Variants in LTBP1 observed in about 807,000 individuals in gnomAD.
LTBP1 encodes the protein latent-transforming growth factor beta-binding protein 1.
A neutral mutation model predicts 207.6 loss-of-function variants in LTBP1; 129 were observed. The ratio of observed to expected loss-of-function variants is 0.62; its 90% confidence interval spans 0.54 to 0.72. The LOEUF (loss-of-function observed/expected upper bound fraction) is 0.72, where lower values mean the gene tolerates loss of function less well. Among genes scored for constraint, LTBP1 ranks in the 30% least tolerant of loss-of-function variants. The pLI, the probability that LTBP1 is intolerant of heterozygous loss-of-function variation, is 0.00. For missense variants in LTBP1, 2,281 were observed against 2,217.2 expected (o/e 1.03, Z -0.58); for synonymous variants, 963 against 833.7 (o/e 1.16, Z -2.67).
chr2:33,280,025 T>A lies in LTBP1; in HGVS notation c.2993-14T>A. ...CTGATAAAATGTTCACGACCTAGGT[T>A]TTTGATTTTTCAGATATTGATGAAT... On this transcript the variant is annotated splice_polypyrimidine_tract_variant and intron_variant, in intron 18 of 33. Transcript: ENST00000404816. The A allele has an allele frequency of 1.9e-6, 3 of 1,612,878 alleles. No individual in the cohort carries two copies. Among genetic ancestry groups the A allele is most frequent in the Non-Finnish European group, 2.5e-6 (3 of 1,179,702 alleles).
intron 7 of LTBP1, among the ~76,000 whole-genome samples, chr2:33,191,429 T>C (rs1336175395): frequency 6.6e-6 from 1 of 152,256 alleles, no homozygotes; most frequent in Non-Finnish European, 1.5e-5. Flanking sequence ...TACTCACTCA[T>C]ACACAGCTTC....
At chr2:33,160,127 C>T (rs1405642975) in intron 5 of LTBP1, among the ~76,000 whole-genome samples, 4 of 152,188 alleles carry the variant, frequency 2.6e-5, no homozygotes, top group African/African-American at 4.8e-5. Context: ...GGTCCGCCCA[C>T]GTCGGCCTCC....
At position 33,049,646 on chromosome 2, in the gene LTBP1, CA is replaced by C. The variant is rs1368118467; in HGVS notation, c.863+28441del. On this transcript the variant is annotated intron_variant, in intron 3 of 33. Coordinates refer to ENST00000404816, the MANE Select transcript of LTBP1 (RefSeq NM_206943.4). ...AAAAATTTAAATTTCATTTTTATCT[CA>C]GCCTTCCAAATTTCTATTTTTGAGT... Among the ~76,000 whole-genome samples the C allele has an allele frequency of 7.9e-5, 12 of 152,260 alleles. No individual in the cohort carries two copies. In the East Asian group the frequency reaches 1.5e-3, roughly 20 times the overall value.
At chr2:33,056,191 A>C (rs2076990037) in intron 3 of LTBP1, 1 of 293,514 alleles carries the variant, frequency 3.4e-6, no homozygotes, top group Non-Finnish European at 6.4e-6. Flanking sequence ...GCAGAAAAAA[A>C]TGAGCCGCCT....
intron 5 of LTBP1, among the ~76,000 whole-genome samples, chr2:33,172,075 G>C (rs960585040): frequency 1.3e-5 from 2 of 152,090 alleles, no homozygotes; most frequent in Admixed American, 1.3e-4. Context: ...AAAGACCATC[G>C]AGGCTAGGAA....
At chr2:33,080,568 G>A (rs2078335273) in intron 3 of LTBP1, among the ~76,000 whole-genome samples, 1 of 152,124 alleles carries the variant, frequency 6.6e-6, no homozygotes, top group East Asian at 1.9e-4. Flanking sequence ...TTTATAGATA[G>A]CACTGTCTCT....
At chr2:33,063,120 G>A (rs938870134) in intron 3 of LTBP1, 2 of 152,092 alleles carry the variant, frequency 1.3e-5, no homozygotes, top group African/African-American at 2.4e-5. Flanking sequence ...AAATCAAGTT[G>A]TGTAAGCCCT....
At chr2:33,390,862 A>C (rs889702947) in intron 32 of LTBP1, among the ~76,000 whole-genome samples, 2 of 152,088 alleles carry the variant, frequency 1.3e-5, no homozygotes, top group Non-Finnish European at 2.9e-5. Context: ...AAATGCAGTG[A>C]AGCTTTTTTC....
Position 33,389,240 on chromosome 2 carries a change from C to A in LTBP1, c.4768C>A (p.Arg1590=). 6.2e-7 allele frequency: 1 copy of A among 1,614,150 alleles called. No homozygotes were observed. Among genetic ancestry groups the A allele is most frequent in the Non-Finnish European group, 8.5e-7 (1 of 1,180,034 alleles). ...PVTGRRQPYG[R]DALVDFSEQY... ...GACGGGACGCCGGCAGCCATATGGA[C>A]GGGACGCCTTGGTTGACTTCAGTGA... is the stretch of plus-strand genomic sequence containing the variant. The change falls in exon 32 of 34, where the codon CGG becomes AGG. Residue 1590 remains arginine, a synonymous_variant. Coordinates refer to ENST00000404816, the MANE Select transcript of LTBP1 (RefSeq NM_206943.4).
chr2:33,272,889 C>A (rs1028838553), intron 15 of LTBP1, among the ~76,000 whole-genome samples: 3 of 152,080 alleles, frequency 2.0e-5, no homozygotes, highest in Admixed American at 1.3e-4. Context: ...CTCCACCTAA[C>A]CATGGACTCC....
intron 3 of LTBP1, among the ~76,000 whole-genome samples, chr2:33,095,258 G>C (rs369307424): frequency 6.6e-6 from 1 of 152,110 alleles, no homozygotes; most frequent in Non-Finnish European, 1.5e-5. Flanking sequence ...AGGCATTTGA[G>C]AGCAATAAAA....
intron 3 of LTBP1, among the ~76,000 whole-genome samples, chr2:33,090,613 T>C (rs935923569): frequency 6.6e-6 from 1 of 152,170 alleles, no homozygotes; most frequent in African/African-American, 2.4e-5. Context: ...TTGGAAAGTT[T>C]AAGTGATTTG....
chr2:33,223,674 A>G (rs991266030), intron 9 of LTBP1, among the ~76,000 whole-genome samples: 5 of 152,216 alleles, frequency 3.3e-5, no homozygotes, highest in African/African-American at 1.2e-4. Context: ...TGTAGGATGC[A>G]TTAGTAGAAA....
intron 5 of LTBP1, among the ~76,000 whole-genome samples, chr2:33,159,769 A>G (rs572375225): frequency 2.6e-5 from 4 of 152,328 alleles, no homozygotes; most frequent in Admixed American, 2.0e-4. Context: ...CCTTCTGTGT[A>G]CTCAACTTAG....
At chr2:33,326,747 C>T in intron 24 of LTBP1, among the ~76,000 whole-genome samples, 1 of 151,900 alleles carries the variant, frequency 6.6e-6, no homozygotes. Flanking sequence ...CCGCCTCCGC[C>T]TCCTGGGTTC....
intron 26 of LTBP1, among the ~76,000 whole-genome samples, chr2:33,353,972 G>A (rs2094819868): frequency 6.6e-6 from 1 of 150,724 alleles, no homozygotes; most frequent in South Asian, 2.1e-4. Context: ...CCATTCTCCT[G>A]CCTCAGCCTC....
Position 33,259,647 on chromosome 2 carries a change from A to G in LTBP1, c.2418+37A>G, listed in dbSNP as rs538572552. 8.8e-6 allele frequency: 14 copies of G among 1,584,324 alleles called. No homozygotes were observed. The East Asian group carries it at 1.1e-4, about 13-fold the overall frequency. On this transcript the variant is annotated intron_variant, in intron 13 of 33. Coordinates refer to ENST00000404816, the MANE Select transcript of LTBP1 (RefSeq NM_206943.4). Reference sequence around the variant, plus strand: ...ATTGCTTGCAAGTCTTTTTTTTTCAACGCTCAAAGTGATTTTCTATTAGAA... The same window carrying G: ...ATTGCTTGCAAGTCTTTTTTTTTCAGCGCTCAAAGTGATTTTCTATTAGAA...
chr2:32,961,623 G>T (rs1442202176), intron 2 of LTBP1, among the ~76,000 whole-genome samples: 1 of 152,112 alleles, frequency 6.6e-6, no homozygotes, highest in African/African-American at 2.4e-5. Flanking sequence ...TTGTGGTAAA[G>T]ATCAAGTCAA....
intron 26 of LTBP1, among the ~76,000 whole-genome samples, chr2:33,354,608 A>G (rs933849502): frequency 3.3e-5 from 5 of 151,992 alleles, no homozygotes; most frequent in Admixed American, 6.6e-5. Context: ...ACCTAAAGTC[A>G]TATCTGAGTT....
Sources: gnomAD v4.1 joint callset for allele counts (sites outside exome capture counted in the v4.1 genomes callset) on GRCh38, gnomAD v4.1.1 for gene constraint, MANE v1.5 for transcripts, NCBI Gene and HGNC (gene_info 2026-07-23, HGNC 2026-07-21) for gene names.